Variants in ATP5PF observed in about 807,000 individuals in gnomAD.
ATP5PF encodes the protein ATP synthase peripheral stalk subunit F6.
In ATP5PF, 7 loss-of-function variants were observed where a neutral mutation model predicts 12.0. That is an observed-to-expected ratio of 0.58 (90% confidence interval 0.33 to 1.10). ATP5PF has a LOEUF of 1.10. Ranked by LOEUF, ATP5PF falls within the 50% of genes least tolerant of loss-of-function variation. The probability of loss-of-function intolerance (pLI) is 0.03; values close to 1 mark genes in which losing one functional copy is unlikely to be tolerated. For missense variants in ATP5PF, 120 were observed against 127.7 expected, an observed-to-expected ratio of 0.94 and a Z score of 0.29; for synonymous variants, 41 against 45.4, an observed-to-expected ratio of 0.90 and a Z score of 0.39.
intron 1 of ATP5PF, among the ~76,000 whole-genome samples, chr21:25,731,206 C>G (rs2034767216): frequency 6.6e-6 from 1 of 152,148 alleles, no homozygotes; most frequent in Non-Finnish European, 1.5e-5. Context: ...CACACCACTG[C>G]ACTCCAGCCT....
chr21:25,724,849 G>C, intron 3 of ATP5PF, 172 bp from the exon 4 acceptor site: 1 of 668,630 alleles, frequency 1.5e-6, no homozygotes, highest in East Asian at 3.0e-5. Context: ...TATGAGCCAT[G>C]CATTCCATTA....
At chr21:25,733,937 C>A (rs1029208713) in intron 1 of ATP5PF, among the ~76,000 whole-genome samples, 2 of 152,206 alleles carry the variant, frequency 1.3e-5, no homozygotes, top group Admixed American at 1.3e-4. Flanking sequence ...ATTCCCCAAT[C>A]GCATTTCTAA....
At position 25,724,692 on chromosome 21, in the gene ATP5PF, A is replaced by G. The variant is rs1601081904; in HGVS notation, c.290-15T>C. ...AAATTTGGGATCTAAGAAGAGGGGG[A>G]AAAAAGGGTCAAGCTTAGCCAAATT... On this transcript the variant is annotated splice_polypyrimidine_tract_variant and intron_variant, in intron 3 of 3. Coordinates refer to ENST00000284971, the MANE Select transcript of ATP5PF (RefSeq NM_001003703.2). 2 of 1,587,872 alleles carry G rather than the reference A, an allele frequency of 1.3e-6. No homozygotes were observed. The highest frequency in any genetic ancestry group is 1.7e-4 in the Middle Eastern group (1 of 6,004).
chr21:25,731,125 CCAGT>C (rs2034765165), intron 1 of ATP5PF, among the ~76,000 whole-genome samples: 1 of 152,072 alleles, frequency 6.6e-6, no homozygotes, highest in Admixed American at 6.6e-5. Flanking sequence ...GCCTGTAATC[CCAGT>C]TATTTGGGAG....
upstream of ATP5PF, chr21:25,735,002 T>A (rs763296625): frequency 1.9e-6 from 3 of 1,546,084 alleles, no homozygotes; most frequent in East Asian, 2.4e-5. Context: ...ACAGGAAGCG[T>A]CTCGGAGACA....
At chr21:25,732,826 A>G (rs1452316123) in intron 1 of ATP5PF, among the ~76,000 whole-genome samples, 1 of 151,776 alleles carries the variant, frequency 6.6e-6, no homozygotes, top group Non-Finnish European at 1.5e-5. Flanking sequence ...TCTACCAAAA[A>G]TACAAAATTA....
At chr21:25,734,792 T>C (rs1601096416) in intron 1 of ATP5PF, 61 bp downstream of exon 1, 1 of 1,482,926 alleles carries the variant, frequency 6.7e-7, no homozygotes. Flanking sequence ...CCAGGCCTCG[T>C]GAAAAAACCC....
At chr21:25,730,736 C>CACAAAAAAAAAA (rs1219090743) in intron 1 of ATP5PF, among the ~76,000 whole-genome samples, 45 of 31,896 alleles carry the variant, frequency 1.4e-3, no homozygotes, top group Non-Finnish European at 2.1e-3. Context: ...CTCCGTCTCA[C>CACAAAAAAAAAA]AAAAAAAAAA....
chr21:25,724,765 T>A, intron 3 of ATP5PF, 88 bp from the exon 4 acceptor site: 1 of 1,363,644 alleles, frequency 7.3e-7, no homozygotes, highest in Non-Finnish European at 1.0e-6. Context: ...CTCATCAATT[T>A]TCTGATTTTT....
chr21:25,734,842 C>T lies in ATP5PF; in HGVS notation c.-8+11G>A. The T allele has an allele frequency of 2.0e-6, 3 of 1,536,036 alleles. No homozygotes were observed. Among genetic ancestry groups the T allele is most frequent in the Non-Finnish European group, 2.6e-6 (3 of 1,144,300 alleles). ...AAAAGGCCACGCTGATCTAGCTACC[C>T]TCCCAGTCACCTTGCACTCAGTCCC... On this transcript the variant is annotated intron_variant, in intron 1 of 3. Coordinates refer to ENST00000284971, the MANE Select transcript of ATP5PF (RefSeq NM_001003703.2).
At chr21:25,735,069 G>T (rs1174361422), upstream of ATP5PF, 2 of 1,103,790 alleles carry the variant, frequency 1.8e-6, no homozygotes, top group African/African-American at 3.1e-5. Context: ...AGGAAGTGGA[G>T]GGTAAGTGCT....
At position 25,734,878 on chromosome 21, in the gene ATP5PF, A is replaced by AGCCTCCGCCGCCACC; in HGVS notation, c.-48_-34dup. Reference sequence around the variant, plus strand: ...CTTGCACTCAGTCCCGAGCTGCCAAAGCCTCCGCCGCCACCACCTCCGCTC... The same window carrying AGCCTCCGCCGCCACC: ...CTTGCACTCAGTCCCGAGCTGCCAAAGCCTCCGCCGCCACCGCCTCCGCCGCCACCACCTCCGCTC... On this transcript the variant is annotated 5_prime_UTR_variant, in exon 1 of 4. Coordinates refer to ENST00000284971, the MANE Select transcript of ATP5PF (RefSeq NM_001003703.2). 2.6e-6 allele frequency: 4 copies of AGCCTCCGCCGCCACC among 1,547,958 alleles called. No homozygotes were observed. Among genetic ancestry groups the AGCCTCCGCCGCCACC allele is most frequent in the East Asian group, 2.4e-5 (1 of 41,240 alleles).
intron 2 of ATP5PF, among the ~76,000 whole-genome samples, chr21:25,727,617 CA>C (rs2034651797): frequency 6.6e-6 from 1 of 152,098 alleles, no homozygotes; most frequent in Non-Finnish European, 1.5e-5. Context: ...TTTGTTTGCA[CA>C]AACGAATGAA....
upstream of ATP5PF, chr21:25,735,204 C>T: frequency 1.7e-6 from 1 of 594,668 alleles, no homozygotes; most frequent in East Asian, 2.8e-5. Flanking sequence ...CTAGTTCAAG[C>T]TCCCCTCCGA....
chr21:25,734,638 C>T, intron 1 of ATP5PF: 1 of 459,284 alleles, frequency 2.2e-6, no homozygotes, highest in South Asian at 5.0e-5. Flanking sequence ...GATTTGCCCT[C>T]AGAGAGGGTA....
intron 1 of ATP5PF, among the ~76,000 whole-genome samples, chr21:25,730,294 A>G (rs1161171775): frequency 6.6e-6 from 1 of 152,230 alleles, no homozygotes. Context: ...AGAATACTGT[A>G]ACAACTAAAT....
At position 25,729,781 on chromosome 21, in the gene ATP5PF, C is replaced by G; in HGVS notation, c.14G>C (p.Arg5Thr). The part of the protein sequence containing the change: MILQ[R>T]LFRFSSVIRS... ...AATGACAGAGGAGAACCTGAAGAGC[C>G]TCTGAAGAATCATGCTGATTCTGTT... Residue 5 changes from arginine to threonine, a missense_variant, in exon 2 of 4, where the codon AGG becomes ACG. Transcript: ENST00000284971. 1 of 1,613,516 alleles carries G rather than the reference C, an allele frequency of 6.2e-7. No individual in the cohort carries two copies. Among genetic ancestry groups the G allele is most frequent in the Non-Finnish European group, 8.5e-7 (1 of 1,179,902 alleles).
At chr21:25,729,929 AC>A in intron 1 of ATP5PF, 128 bp from the exon 2 acceptor site, 1 of 1,063,748 alleles carries the variant, frequency 9.4e-7, no homozygotes, top group Non-Finnish European at 1.3e-6. Context: ...TCTATACCTG[AC>A]CACAGTTCCC....
At chr21:25,734,217 A>T in intron 1 of ATP5PF, 2 of 631,606 alleles carry the variant, frequency 3.2e-6, no homozygotes, top group Non-Finnish European at 3.9e-6. Flanking sequence ...ACGAGAGCAT[A>T]TGATAGCGTC....
Sources: allele counts gnomAD v4.1 joint callset (sites outside exome capture counted in the v4.1 genomes callset), GRCh38; gene constraint gnomAD v4.1.1; transcripts MANE v1.5; gene names NCBI Gene and HGNC (gene_info 2026-07-23, HGNC 2026-07-21).